DPP10: variants seen among roughly 807,000 people sequenced by gnomAD.
DPP10 encodes dipeptidyl peptidase like 10, also known as inactive dipeptidyl peptidase 10.
DPP10 carries 33 observed loss-of-function variants against 120.9 expected under a neutral mutation model. The ratio of observed to expected loss-of-function variants is 0.27; its 90% CI spans 0.21 to 0.37. DPP10 has a LOEUF of 0.37. Ranked by LOEUF, DPP10 falls within the 10% of genes least tolerant of loss-of-function variation. DPP10 has a pLI of 1.00. For missense variants in DPP10, 816 were observed against 942.8 expected, an observed-to-expected ratio of 0.87 and a Z score of 1.76; for synonymous variants, 337 against 326.1, an observed-to-expected ratio of 1.03 and a Z score of -0.36.
At position 115,447,546 on chromosome 2, in the gene DPP10, C is replaced by A. The variant is rs374980032; in HGVS notation, c.272-51964C>A. On this transcript the variant is annotated intron_variant, in intron 3 of 25. Transcript: ENST00000410059. The stretch of plus-strand genomic sequence containing the variant: ...TAATCCCCATGTGTCAAGGGAGGGA[C>A]CTGGTGGTAGGTGATTGGATCATGG... 8.5e-5 allele frequency among the ~76,000 whole-genome samples: 13 copies of A among 152,226 alleles called. 1 individual carries two copies. In the East Asian group the frequency reaches 2.3e-3, roughly 27 times the overall value.
At chr2:115,116,113 A>C (rs2049490062) in intron 1 of DPP10, among the ~76,000 whole-genome samples, 1 of 152,008 alleles carries the variant, frequency 6.6e-6, no homozygotes, top group African/African-American at 2.4e-5. Context: ...TTTGAGGGGT[A>C]CTTAAATAGA....
intron 3 of DPP10, among the ~76,000 whole-genome samples, chr2:115,374,122 G>C (rs1365947011): frequency 2.6e-5 from 4 of 152,058 alleles, no homozygotes; most frequent in Non-Finnish European, 5.9e-5. Flanking sequence ...TAAATCTCAT[G>C]TCCTTCTCAC....
intron 1 of DPP10, among the ~76,000 whole-genome samples, chr2:114,666,773 T>C (rs1322562963): frequency 3.3e-5 from 5 of 152,194 alleles, no homozygotes; most frequent in South Asian, 2.1e-4. Flanking sequence ...AATACTGTTA[T>C]AGCTGTTAGA....
In DPP10 at chr2:115,404,739, A is replaced by G. The variant is rs536307703; in HGVS notation, c.271+60827A>G. Among the ~76,000 whole-genome samples, 4 of 152,296 alleles carry G rather than the reference A, an allele frequency of 2.6e-5. No homozygotes were observed. In the East Asian group the frequency reaches 7.7e-4, roughly 29 times the overall value. ...TGAGGGCCTTTTACTTCATCATGAC[A>G]TGGAAGAGAAATGGAAGGGGAAGGA... On this transcript the variant is annotated intron_variant, in intron 3 of 25. Coordinates refer to ENST00000410059, the MANE Select transcript of DPP10 (RefSeq NM_020868.6).
intron 8 of DPP10, among the ~76,000 whole-genome samples, chr2:115,737,704 T>TAGAACAGAGA (rs1293459318): frequency 6.6e-6 from 1 of 152,162 alleles, no homozygotes; most frequent in African/African-American, 2.4e-5. Context: ...GCCTGGGATA[T>TAGAACAGAGA]AGAACAGAGA....
chr2:114,726,533 T>C (rs1261128805), intron 1 of DPP10, among the ~76,000 whole-genome samples: 1 of 152,256 alleles, frequency 6.6e-6, no homozygotes, highest in Admixed American at 6.5e-5. Flanking sequence ...AAATCAGTAG[T>C]TGAATTTAAT....
At chr2:115,123,919 C>A (rs183928761) in intron 1 of DPP10, among the ~76,000 whole-genome samples, 1 of 151,122 alleles carries the variant, frequency 6.6e-6, no homozygotes, top group Non-Finnish European at 1.5e-5. Context: ...CCAGTTATAT[C>A]AGTTATATAT....
chr2:114,449,302 G>A (rs1678119287), intron 1 of DPP10, among the ~76,000 whole-genome samples: 1 of 152,044 alleles, frequency 6.6e-6, no homozygotes, highest in Admixed American at 6.6e-5. Context: ...GCACACAACT[G>A]GAACAACATG....
At chr2:115,028,158 ATTGC>A (rs1703599796) in intron 1 of DPP10, among the ~76,000 whole-genome samples, 2 of 151,642 alleles carry the variant, frequency 1.3e-5, no homozygotes, top group African/African-American at 4.8e-5. Flanking sequence ...TTGGTTTATT[ATTGC>A]TTTGTCAGTT....
intron 1 of DPP10, among the ~76,000 whole-genome samples, chr2:115,283,630 A>G (rs575621714): frequency 1.3e-5 from 2 of 152,166 alleles, no homozygotes; most frequent in South Asian, 2.1e-4. Context: ...TCTGAAAGGT[A>G]TTATTACCAG....
At chr2:115,727,691 T>G (rs2092798828) in intron 7 of DPP10, 125 bp from the exon 8 acceptor site, 5 of 1,082,700 alleles carry the variant, frequency 4.6e-6, no homozygotes, top group South Asian at 2.3e-5. Flanking sequence ...ATGCCTTGAA[T>G]AAAAACAACT....
chr2:114,996,913 C>T (rs771536043), intron 1 of DPP10, among the ~76,000 whole-genome samples: 2 of 138,156 alleles, frequency 1.4e-5, no homozygotes, highest in South Asian at 2.3e-4. Context: ...ACCCGGGAGG[C>T]GGAGGTTGCA....
At chr2:115,827,312 C>CATGTATATGTATATGTAT (rs1400611767) in intron 21 of DPP10, among the ~76,000 whole-genome samples, 1 of 34,710 alleles carries the variant, frequency 2.9e-5, no homozygotes, top group South Asian at 1.4e-3. Flanking sequence ...TATATATACA[C>CATGTATATGTATATGTAT]ATGTACATGT....
chr2:115,768,220 T>A, intron 12 of DPP10, 77 bp from the exon 13 acceptor site: 1 of 1,228,280 alleles, frequency 8.1e-7, no homozygotes, highest in Non-Finnish European at 1.2e-6. Flanking sequence ...GTATAACCCA[T>A]GCAGGAATTA....
chr2:115,260,622 T>A (rs1438406260), intron 1 of DPP10, among the ~76,000 whole-genome samples: 1 of 152,226 alleles, frequency 6.6e-6, no homozygotes, highest in Non-Finnish European at 1.5e-5. Flanking sequence ...GTTTAAATTT[T>A]AGAAAACTGG....
chr2:115,010,296 A>G (rs1047261568), intron 1 of DPP10, among the ~76,000 whole-genome samples: 2 of 152,206 alleles, frequency 1.3e-5, no homozygotes, highest in African/African-American at 4.8e-5. Context: ...ATCCAGTCAC[A>G]TATTGTTTGC....
At chr2:115,746,765 A>T (rs78656910) in intron 10 of DPP10, among the ~76,000 whole-genome samples, 2,308 of 152,314 alleles carry the variant, frequency 0.015, 57 homozygotes, top group African/African-American at 0.051. Flanking sequence ...TAATTAAATA[A>T]TCATGTGTAT....
intron 7 of DPP10, among the ~76,000 whole-genome samples, chr2:115,704,583 A>G (rs1433480833): frequency 6.6e-6 from 1 of 152,026 alleles, no homozygotes; most frequent in Non-Finnish European, 1.5e-5. Context: ...AAACTGATGA[A>G]AGACTTATTG....
intron 5 of DPP10, among the ~76,000 whole-genome samples, chr2:115,543,073 A>C (rs991923647): frequency 1.3e-5 from 2 of 151,884 alleles, no homozygotes; most frequent in African/African-American, 4.8e-5. Context: ...CATGATTTTT[A>C]CTTTGTGAAA....
Sources: allele counts gnomAD v4.1 joint callset (sites outside exome capture counted in the v4.1 genomes callset), GRCh38; gene constraint gnomAD v4.1.1; transcripts MANE v1.5; gene names NCBI Gene and HGNC (gene_info 2026-07-23, HGNC 2026-07-21).